HEATR3: variants seen among roughly 807,000 people sequenced by gnomAD.
HEATR3 encodes HEAT repeat-containing protein 3.
In HEATR3, 56 loss-of-function variants were observed where a neutral mutation model predicts 72.8. That is an observed-to-expected ratio of 0.77 (90% CI 0.62 to 0.96). The LOEUF (loss-of-function observed/expected upper bound fraction) is 0.96. HEATR3 is among the 40% of genes least tolerant of loss of function. The probability of loss-of-function intolerance (pLI) is 0.00; values close to 1 mark genes in which losing one functional copy is unlikely to be tolerated. For synonymous variants in HEATR3, 331 were observed against 318.1 expected (o/e 1.04, Z -0.43); for missense variants, 747 against 831.4 (o/e 0.90, Z 1.25).
intron 11 of HEATR3, among the ~76,000 whole-genome samples, 182 bp downstream of exon 11, chr16:50,086,533 C>T (rs1174917326): frequency 1.3e-5 from 2 of 152,152 alleles, no homozygotes; most frequent in Non-Finnish European, 2.9e-5. Context: ...GCAAGCAGCT[C>T]CTGGGCTTAT....
At chr16:50,067,354 C>CAA (rs76903396) in intron 2 of HEATR3, among the ~76,000 whole-genome samples, 1 of 136,106 alleles carries the variant, frequency 7.3e-6, no homozygotes, top group African/African-American at 2.7e-5. Context: ...GACCCTGTCT[C>CAA]AAAAAAAAAA....
At chr16:50,073,247 C>T (rs1025028831) in intron 5 of HEATR3, 11 of 153,306 alleles carry the variant, frequency 7.2e-5, no homozygotes, top group African/African-American at 2.4e-4. Flanking sequence ...TTGGCTGCCT[C>T]GCCTTCTCTT....
chr16:50,078,070 T>C (rs940546322), intron 6 of HEATR3, among the ~76,000 whole-genome samples: 7 of 151,720 alleles, frequency 4.6e-5, no homozygotes, highest in African/African-American at 1.7e-4. Context: ...AGAGATGAGG[T>C]TTCACCATGT....
intron 13 of HEATR3, 27 bp downstream of exon 13, chr16:50,100,400 A>T: frequency 2.5e-6 from 4 of 1,605,044 alleles, no homozygotes; most frequent in Non-Finnish European, 3.4e-6. Context: ...CTGACCTAAC[A>T]TGTTAAATAA....
At chr16:50,081,945 A>T (rs28571728) in intron 7 of HEATR3, among the ~76,000 whole-genome samples, 50 of 152,288 alleles carry the variant, frequency 3.3e-4, no homozygotes, top group African/African-American at 1.2e-3. Flanking sequence ...CATTTCGTCT[A>T]AATTGGTTCT....
chr16:50,074,969 G>A (rs978532293), intron 5 of HEATR3: 2 of 140,624 alleles, frequency 1.4e-5, no homozygotes, highest in African/African-American at 5.0e-5. Context: ...GCGACAGAGC[G>A]AGACTCCATC....
chr16:50,090,240 G>T (rs1597163699), intron 11 of HEATR3, among the ~76,000 whole-genome samples: 1 of 152,028 alleles, frequency 6.6e-6, no homozygotes, highest in Admixed American at 6.6e-5. Flanking sequence ...TTGCGCCTGT[G>T]GTCCCAAGGA....
intron 11 of HEATR3, among the ~76,000 whole-genome samples, chr16:50,087,182 G>A (rs982399971): frequency 6.6e-6 from 1 of 151,996 alleles, no homozygotes; most frequent in Middle Eastern, 3.2e-3. Flanking sequence ...GCATGCGTGC[G>A]TGTGTGTAAG....
In HEATR3 at chr16:50,066,443, TC is replaced by T. The variant is rs756173519; in HGVS notation, c.218del (p.Pro73ArgfsTer17). 21 of 1,417,692 alleles carry T rather than the reference TC, an allele frequency of 1.5e-5. No individual in the cohort carries two copies. The highest frequency in any genetic ancestry group is 1.8e-5 in the Non-Finnish European group (20 of 1,096,032). 87.8% of individuals were successfully genotyped at this position (1,417,692 alleles called of 1,614,324 possible). ...CGGCTGGTGCAGCAGCGGCCGGCAC[TC>T]CCGGGCCTGGCGCGACGAGACGCCG... Reference protein sequence around the residue: ...LARLVQQRPALPGLARRDAVR... With the variant: ...LARLVQQRPAXPGLARRDAVR... On this transcript the variant is annotated frameshift_variant, in exon 2 of 15. Coordinates refer to ENST00000299192, the MANE Select transcript of HEATR3 (RefSeq NM_182922.4). LOFTEE classifies it high-confidence loss of function.
In HEATR3 at chr16:50,105,072, AAAG is replaced by A. The variant is rs762085817; in HGVS notation, c.*14_*16del. 1.9e-6 allele frequency: 3 copies of A among 1,608,196 alleles called. No homozygotes were observed. The East Asian group carries it at 6.7e-5, about 36-fold the overall frequency. On this transcript the variant is annotated 3_prime_UTR_variant, in exon 15 of 15. Coordinates refer to ENST00000299192, the MANE Select transcript of HEATR3 (RefSeq NM_182922.4). ...AGACTGACTTCTTAAACAATCCAAA[AAAG>A]AAACCAGTTCTTCCCCCAAAGTATT...
chr16:50,102,361 GA>G lies in HEATR3; in HGVS notation c.1848del (p.Ala617ProfsTer14). ...ALFDVFADGK[E>X]AERASIQIKL... ...CTTTGATGTTTTTGCAGATGGTAAA[GA>G]AGCCGAAAGAGCCTCGATTCAAATT... On this transcript the variant is annotated frameshift_variant, in exon 14 of 15. Transcript: ENST00000299192. LOFTEE classifies it high-confidence loss of function. 6.2e-7 allele frequency: 1 copy of G among 1,614,164 alleles called. No homozygotes were observed. The highest frequency in any genetic ancestry group is 8.5e-7 in the Non-Finnish European group (1 of 1,180,024).
chr16:50,096,642 T>TA (rs1457106667), intron 12 of HEATR3, among the ~76,000 whole-genome samples: 2 of 151,874 alleles, frequency 1.3e-5, no homozygotes, highest in Non-Finnish European at 2.9e-5. Flanking sequence ...CTACAAAAAA[T>TA]ACAAAAATCA....
At chr16:50,068,936 G>A in intron 3 of HEATR3, 69 bp downstream of exon 3, 1 of 1,120,752 alleles carries the variant, frequency 8.9e-7, no homozygotes, top group Non-Finnish European at 1.3e-6. Context: ...TTAGTACTTT[G>A]GTGTTGGTGA....
At position 50,105,155 on chromosome 16, in the gene HEATR3, T is replaced by A; in HGVS notation, c.*94T>A. 5.3e-6 allele frequency: 7 copies of A among 1,327,958 alleles called. No homozygotes were observed. Among genetic ancestry groups the A allele is most frequent in the Non-Finnish European group, 6.3e-6 (6 of 952,120 alleles). 82.3% of individuals were successfully genotyped at this position (1,327,958 alleles called of 1,614,324 possible). ...TGAATGTATATGTTTCTGAAAGTCA[T>A]TTTTTAATGATTACATTCTGTACAT... On this transcript the variant is annotated 3_prime_UTR_variant, in exon 15 of 15. Transcript: ENST00000299192.
At position 50,084,608 on chromosome 16, in the gene HEATR3, G is replaced by C. The variant is rs745596810; in HGVS notation, c.1330G>C (p.Asp444His). 40 of 1,613,018 alleles carry C rather than the reference G, an allele frequency of 2.5e-5. No homozygotes were observed. The highest frequency in any genetic ancestry group is 3.3e-5 in the Non-Finnish European group (39 of 1,179,624). ...KTAFPNSIAV[D>H]LCSRNPTWKP... is the part of the protein sequence containing the mutation. The stretch of plus-strand genomic sequence containing the variant: ...TGCCTTTCCAAACAGCATTGCAGTT[G>C]ACCTATGTTCTAGGAACCCTACTTG... Residue 444 changes from aspartate to histidine, a missense_variant, in exon 10 of 15, where the codon GAC becomes CAC. Physicochemically the swap from Asp to His is moderately conservative, Grantham distance 81. Coordinates refer to ENST00000299192, the MANE Select transcript of HEATR3 (RefSeq NM_182922.4).
At chr16:50,081,402 G>A (rs1467795149) in intron 7 of HEATR3, among the ~76,000 whole-genome samples, 4 of 152,220 alleles carry the variant, frequency 2.6e-5, no homozygotes, top group African/African-American at 4.8e-5. Context: ...TCAAGATCGC[G>A]CCACTGCACT....
At chr16:50,100,625 A>G in intron 13 of HEATR3, 1 of 440,180 alleles carries the variant, frequency 2.3e-6, no homozygotes, top group Admixed American at 4.4e-5. Flanking sequence ...TAAAAAAATA[A>G]ATCTGTCTTT....
chr16:50,073,602 T>C (rs926649177), intron 5 of HEATR3: 4 of 152,154 alleles, frequency 2.6e-5, no homozygotes, highest in Non-Finnish European at 5.9e-5. Flanking sequence ...TGTGAGTAAA[T>C]GGGGATTTTA....
chr16:50,099,348 T>A (rs2150627323), intron 12 of HEATR3, among the ~76,000 whole-genome samples: 1 of 152,318 alleles, frequency 6.6e-6, no homozygotes, highest in East Asian at 1.9e-4. Context: ...CTCATACTAA[T>A]AATCCTAACA....
Sources: gnomAD v4.1 joint callset for allele counts (sites outside exome capture counted in the v4.1 genomes callset) on GRCh38, gnomAD v4.1.1 for gene constraint, MANE v1.5 for transcripts, NCBI Gene and HGNC (gene_info 2026-07-23, HGNC 2026-07-21) for gene names.